TMEFF2: variants seen among roughly 807,000 people sequenced by gnomAD.
The protein encoded by TMEFF2 is transmembrane protein with EGF like and two follistatin like domains 2, also known as tomoregulin-2.
TMEFF2 carries 28 observed loss-of-function variants against 53.8 expected under a neutral mutation model. The ratio of observed to expected loss-of-function variants is 0.52; its 90% CI spans 0.39 to 0.71. The LOEUF is 0.71. Ranked by LOEUF, TMEFF2 falls within the 30% of genes least tolerant of loss-of-function variation. The probability of loss-of-function intolerance (pLI) is 0.00; values close to 1 mark genes in which losing one functional copy is unlikely to be tolerated. For synonymous variants in TMEFF2, 162 were observed against 166.3 expected (o/e 0.97, Z 0.20); for missense variants, 353 against 455.2 (o/e 0.78, Z 2.04).
chr2:192,029,277 C>T (rs1208884867), intron 5 of TMEFF2: 1 of 152,062 alleles, frequency 6.6e-6, no homozygotes, highest in Non-Finnish European at 1.5e-5. Context: ...TGGATCTTCC[C>T]CCTGCTGAGC....
At chr2:192,081,785 TATTAAACG>T (rs1688558979) in intron 4 of TMEFF2, among the ~76,000 whole-genome samples, 1 of 151,464 alleles carries the variant, frequency 6.6e-6, no homozygotes, top group Non-Finnish European at 1.5e-5. Context: ...GTACCATAAT[TATTAAACG>T]ATTTCCCTTT....
At chr2:192,052,457 C>T (rs1336739157) in intron 5 of TMEFF2, among the ~76,000 whole-genome samples, 1 of 152,158 alleles carries the variant, frequency 6.6e-6, no homozygotes, top group Non-Finnish European at 1.5e-5. Flanking sequence ...TTTCCACTGA[C>T]CTACTTTGGA....
intron 5 of TMEFF2, among the ~76,000 whole-genome samples, chr2:192,040,358 CTTAT>C (rs1192359940): frequency 3.3e-5 from 5 of 152,104 alleles, no homozygotes; most frequent in African/African-American, 1.2e-4. Flanking sequence ...AATTTTCTCT[CTTAT>C]TTAAGTATCT....
intron 5 of TMEFF2, among the ~76,000 whole-genome samples, chr2:192,018,217 A>G (rs1686784639): frequency 6.6e-6 from 1 of 152,164 alleles, no homozygotes; most frequent in Admixed American, 6.5e-5. Flanking sequence ...CTCTCTCAAT[A>G]AACAAATATT....
chr2:192,046,605 T>C (rs1256435612), intron 5 of TMEFF2, among the ~76,000 whole-genome samples: 1 of 152,152 alleles, frequency 6.6e-6, no homozygotes, highest in East Asian at 1.9e-4. Context: ...AATTTTTTGC[T>C]TCCTATTCCT....
intron 5 of TMEFF2, among the ~76,000 whole-genome samples, chr2:192,048,804 C>T (rs1687689933): frequency 6.6e-6 from 1 of 152,122 alleles, no homozygotes; most frequent in Admixed American, 6.6e-5. Flanking sequence ...GCAAAACAGG[C>T]AAATTGAATT....
intron 5 of TMEFF2, among the ~76,000 whole-genome samples, chr2:192,042,547 C>T (rs1039920358): frequency 1.3e-5 from 2 of 152,034 alleles, no homozygotes; most frequent in Non-Finnish European, 2.9e-5. Flanking sequence ...ACAAAAATCC[C>T]AAAAACATGT....
chr2:192,075,864 T>C (rs1022143560), intron 4 of TMEFF2, among the ~76,000 whole-genome samples: 2 of 152,050 alleles, frequency 1.3e-5, no homozygotes, highest in Non-Finnish European at 2.9e-5. Flanking sequence ...GCATTTCATT[T>C]TTCATACTGT....
chr2:192,161,207 C>T (rs1690624783), intron 4 of TMEFF2, among the ~76,000 whole-genome samples: 2 of 152,054 alleles, frequency 1.3e-5, no homozygotes, highest in Non-Finnish European at 2.9e-5. Context: ...CTTGCTCTGT[C>T]ACCCAGGCTG....
intron 4 of TMEFF2, among the ~76,000 whole-genome samples, chr2:192,074,832 C>A (rs1688369770): frequency 6.6e-6 from 1 of 151,766 alleles, no homozygotes; most frequent in East Asian, 1.9e-4. Flanking sequence ...TTTTTAGAGC[C>A]TTTCAGACTT....
In TMEFF2 at chr2:192,062,885, A is replaced by G. The variant is rs117946624; in HGVS notation, c.440-5110T>C. 1.4e-4 allele frequency among the ~76,000 whole-genome samples: 21 copies of G among 151,632 alleles called. 1 individual carries two copies. In the East Asian group the frequency reaches 4.1e-3, roughly 29 times the overall value. ...GCTGAAAATTGTTCCCACGTCTGCTATTTTATGAGAGTTTGTGTCAGAGTA... is the reference window on the plus strand; with the variant it reads ...GCTGAAAATTGTTCCCACGTCTGCTGTTTTATGAGAGTTTGTGTCAGAGTA... On this transcript the variant is annotated intron_variant, in intron 4 of 9. Coordinates refer to ENST00000272771, the MANE Select transcript of TMEFF2 (RefSeq NM_016192.4).
chr2:192,089,134 A>G (rs536294886), intron 4 of TMEFF2, among the ~76,000 whole-genome samples: 1 of 151,930 alleles, frequency 6.6e-6, no homozygotes, highest in African/African-American at 2.4e-5. Context: ...TAATTGCTCC[A>G]TTTTTTTCAC....
chr2:192,095,769 G>A (rs769099190), intron 4 of TMEFF2, among the ~76,000 whole-genome samples: 31 of 152,054 alleles, frequency 2.0e-4, no homozygotes, highest in Non-Finnish European at 3.8e-4. Context: ...CTCTGGGAGC[G>A]CAGCTTTTAG....
At chr2:192,140,582 TA>T (rs1221038422) in intron 4 of TMEFF2, among the ~76,000 whole-genome samples, 1 of 151,598 alleles carries the variant, frequency 6.6e-6, no homozygotes, top group Non-Finnish European at 1.5e-5. Flanking sequence ...TGGAGCCATA[TA>T]AAAAAAACAC....
At chr2:192,077,145 A>C (rs1368465454) in intron 4 of TMEFF2, among the ~76,000 whole-genome samples, 2 of 152,178 alleles carry the variant, frequency 1.3e-5, no homozygotes, top group African/African-American at 4.8e-5. Flanking sequence ...TCCTGACCAG[A>C]AGGTGGAAAA....
intron 5 of TMEFF2, among the ~76,000 whole-genome samples, chr2:192,049,433 C>G (rs748523389): frequency 1.3e-5 from 2 of 152,106 alleles, no homozygotes; most frequent in South Asian, 4.1e-4. Context: ...GTGTCTGACA[C>G]GCTTTGGAAA....
chr2:192,055,507 G>A (rs1687881028), intron 5 of TMEFF2, among the ~76,000 whole-genome samples: 2 of 152,092 alleles, frequency 1.3e-5, no homozygotes, highest in South Asian at 4.1e-4. Flanking sequence ...GGGCGTGGTA[G>A]CTCACACCTG....
intron 4 of TMEFF2, among the ~76,000 whole-genome samples, chr2:192,159,467 C>A (rs546726098): frequency 6.6e-6 from 1 of 152,072 alleles, no homozygotes; most frequent in Non-Finnish European, 1.5e-5. Context: ...GAACTGAATG[C>A]GCTAGTTTTG....
In TMEFF2 at chr2:192,194,217, G is replaced by C. The variant is rs1421913879; in HGVS notation, c.172+136C>G. 2 of 1,028,652 alleles carry C rather than the reference G, an allele frequency of 1.9e-6. No homozygotes were observed. Among genetic ancestry groups the C allele is most frequent in the African/African-American group, 1.6e-5 (1 of 62,436 alleles). 63.7% of individuals were successfully genotyped at this position (1,028,652 alleles called of 1,614,324 possible). A position where few individuals can be genotyped will look rare whatever the true frequency, so the allele number is the denominator to read the frequency against. On this transcript the variant is annotated intron_variant, in intron 1 of 9. Coordinates refer to ENST00000272771, the MANE Select transcript of TMEFF2 (RefSeq NM_016192.4). This position sits in a 1 kb window ranked among gnomAD's most constrained non-coding sequence, Gnocchi z 4.2. ...ACAGTTCCCCTTGTTTCTCTGGATA[G>C]AGGTGGGTGGTATTAGGGGTCTAGG...
Sources: allele counts gnomAD v4.1 joint callset (sites outside exome capture counted in the v4.1 genomes callset), GRCh38; gene constraint gnomAD v4.1.1; non-coding constraint Gnocchi (gnomAD v3.1); transcripts MANE v1.5; gene names NCBI Gene and HGNC (gene_info 2026-07-23, HGNC 2026-07-21).